Variants in DCAF6 observed in about 807,000 individuals in gnomAD.
The protein encoded by DCAF6 is DDB1 and CUL4 associated factor 6.
In DCAF6, 54 loss-of-function variants were observed where a neutral mutation model predicts 125.1. The observed-to-expected ratio is 0.43, with a 90% CI of 0.35 to 0.54. The LOEUF (loss-of-function observed/expected upper bound fraction) is 0.54, where lower values mean the gene tolerates loss of function less well. Among genes scored for constraint, DCAF6 ranks in the 20% least tolerant of loss-of-function variants. The pLI is 0.01. For synonymous variants in DCAF6, 371 were observed against 390.4 expected, an observed-to-expected ratio of 0.95 and a Z score of 0.58; for missense variants, 934 against 1,161.7, an observed-to-expected ratio of 0.80 and a Z score of 2.85.
chr1:167,869,584 C>T, the DCAF6 span, among the ~76,000 whole-genome samples: 2 of 152,170 alleles, frequency 1.3e-5, no homozygotes, highest in African/African-American at 4.8e-5. Flanking sequence ...TAAAATTCGA[C>T]CCCTGACCTA....
chr1:168,007,988 T>TTTTTC (rs1557968049), intron 10 of DCAF6, among the ~76,000 whole-genome samples: 2 of 142,308 alleles, frequency 1.4e-5, no homozygotes, highest in Non-Finnish European at 3.0e-5. Context: ...TTTTTTTTTT[T>TTTTTC]TAAAGACAGT....
chr1:167,902,132 A>C, the DCAF6 span: 1 of 1,363,440 alleles, frequency 7.3e-7, no homozygotes, highest in Non-Finnish European at 1.0e-6. Flanking sequence ...TCTTAGTGGA[A>C]TAGAAACTAG....
At chr1:167,893,306 T>C in the DCAF6 span, among the ~76,000 whole-genome samples, 2 of 152,222 alleles carry the variant, frequency 1.3e-5, no homozygotes, top group African/African-American at 4.8e-5. Flanking sequence ...CGCAATTATA[T>C]AAGGCAACGC....
chr1:167,972,193 A>C (rs562421639), intron 3 of DCAF6, among the ~76,000 whole-genome samples: 43 of 152,312 alleles, frequency 2.8e-4, no homozygotes, highest in African/African-American at 8.9e-4. Flanking sequence ...AGTACACATA[A>C]ATATTTTTAA....
chr1:167,960,477 CT>C (rs1190383141), intron 2 of DCAF6, among the ~76,000 whole-genome samples: 1 of 151,520 alleles, frequency 6.6e-6, no homozygotes, highest in East Asian at 1.9e-4. Context: ...TTTTTTGTAT[CT>C]TTAGTAGAGA....
chr1:167,880,824 CCAG>C, the DCAF6 span, among the ~76,000 whole-genome samples: 1 of 152,184 alleles, frequency 6.6e-6, no homozygotes, highest in Non-Finnish European at 1.5e-5. Flanking sequence ...TTGTTTTGCT[CCAG>C]ATATAGTGAA....
chr1:167,959,495 C>T (rs1390545336), intron 2 of DCAF6, among the ~76,000 whole-genome samples: 1 of 152,198 alleles, frequency 6.6e-6, no homozygotes, highest in African/African-American at 2.4e-5. Context: ...TTCAAAGTGA[C>T]TGTACAATTT....
intron 4 of DCAF6, among the ~76,000 whole-genome samples, chr1:167,983,901 G>A (rs1389416327): frequency 1.3e-5 from 2 of 152,124 alleles, no homozygotes; most frequent in South Asian, 4.1e-4. Flanking sequence ...CTTTTCCAGG[G>A]AACTTAAGGA....
chr1:168,064,599 G>T (rs954087217), intron 18 of DCAF6, among the ~76,000 whole-genome samples: 1 of 151,986 alleles, frequency 6.6e-6, no homozygotes. Context: ...TTTTTAAAAG[G>T]TTACTCATTA....
At chr1:167,922,254 T>C in the DCAF6 span, among the ~76,000 whole-genome samples, 1 of 152,140 alleles carries the variant, frequency 6.6e-6, no homozygotes, top group African/African-American at 2.4e-5. Context: ...AAAATAGATG[T>C]TCTTAAAGAG....
intron 21 of DCAF6, among the ~76,000 whole-genome samples, chr1:168,071,544 G>A (rs1693029895): frequency 6.6e-6 from 1 of 152,124 alleles, no homozygotes; most frequent in Non-Finnish European, 1.5e-5. Context: ...TGAGGCAGGA[G>A]AGTCACTTTA....
At chr1:167,870,117 T>C in the DCAF6 span, 1 of 914,334 alleles carries the variant, frequency 1.1e-6, no homozygotes, top group Non-Finnish European at 1.7e-6. Flanking sequence ...GTTAGTTATC[T>C]ATTTAGCACA....
chr1:168,000,106 G>C (rs767580509), intron 7 of DCAF6, among the ~76,000 whole-genome samples: 1 of 152,104 alleles, frequency 6.6e-6, no homozygotes, highest in Non-Finnish European at 1.5e-5. Context: ...CAATATTATT[G>C]TTGTGTCTCA....
intron 12 of DCAF6, among the ~76,000 whole-genome samples, chr1:168,035,293 A>G (rs555648196): frequency 1.3e-5 from 2 of 152,282 alleles, no homozygotes; most frequent in South Asian, 2.1e-4. Context: ...AAAAGTTACT[A>G]CAAATTAGCC....
intron 7 of DCAF6, among the ~76,000 whole-genome samples, chr1:167,994,718 C>T (rs1382907124): frequency 6.6e-6 from 1 of 152,040 alleles, no homozygotes; most frequent in Admixed American, 6.5e-5. Context: ...AGCTTCTTTC[C>T]TCAACATGTT....
chr1:167,875,236 T>C, the DCAF6 span: 8 of 1,568,794 alleles, frequency 5.1e-6, no homozygotes, highest in East Asian at 2.2e-5. Context: ...CAGGGACATA[T>C]TGAGAGCAAG....
intron 11 of DCAF6, among the ~76,000 whole-genome samples, chr1:168,017,331 T>G (rs1262402903): frequency 6.6e-6 from 1 of 151,992 alleles, no homozygotes; most frequent in Non-Finnish European, 1.5e-5. Flanking sequence ...TCCCTACGTA[T>G]ATAATTATTT....
chr1:167,952,303 C>T (rs999961349), intron 2 of DCAF6, among the ~76,000 whole-genome samples: 11 of 152,142 alleles, frequency 7.2e-5, no homozygotes, highest in South Asian at 2.1e-4. Flanking sequence ...CTGCAAGCTC[C>T]GCCTCCCGGG....
chr1:167,911,865 C>T, the DCAF6 span, among the ~76,000 whole-genome samples: 22 of 152,090 alleles, frequency 1.4e-4, no homozygotes, highest in Admixed American at 6.5e-5. Flanking sequence ...TGAACTTGGA[C>T]AGATTTTTCT....
Sources: gnomAD v4.1 joint callset for allele counts (sites outside exome capture counted in the v4.1 genomes callset) on GRCh38, gnomAD v4.1.1 for gene constraint, MANE v1.5 for transcripts, NCBI Gene and HGNC (gene_info 2026-07-23, HGNC 2026-07-21) for gene names.